MMP16: variants seen among roughly 807,000 people sequenced by gnomAD.
The protein encoded by MMP16 is matrix metalloproteinase-16.
MMP16 carries 12 observed loss-of-function variants against 67.8 expected under a neutral mutation model. The ratio of observed to expected loss-of-function variants is 0.18; its 90% CI spans 0.11 to 0.29. The LOEUF (loss-of-function observed/expected upper bound fraction) is 0.29. MMP16 is among the 10% of genes least tolerant of loss of function. MMP16 has a pLI of 1.00. For synonymous variants in MMP16, 249 were observed against 255.9 expected (o/e 0.97, Z 0.26); for missense variants, 475 against 765.7 (o/e 0.62, Z 4.48).
intron 1 of MMP16, among the ~76,000 whole-genome samples, chr8:88,280,349 T>C (rs1035821029): frequency 6.6e-6 from 1 of 152,108 alleles, no homozygotes; most frequent in East Asian, 1.9e-4. Flanking sequence ...TTATTTTCCA[T>C]GTAAGGACAT....
intron 3 of MMP16, among the ~76,000 whole-genome samples, chr8:88,178,773 T>A (rs772541849): frequency 6.6e-6 from 1 of 152,206 alleles, no homozygotes; most frequent in African/African-American, 2.4e-5. Context: ...TATAACCGCA[T>A]GTAAATTATT....
chr8:88,056,455 T>C (rs904378618), intron 7 of MMP16, among the ~76,000 whole-genome samples, 177 bp from the exon 8 acceptor site: 1 of 150,924 alleles, frequency 6.6e-6, no homozygotes, highest in Admixed American at 6.6e-5. Flanking sequence ...AATATTAATG[T>C]TATCTTTGAA....
At position 88,293,819 on chromosome 8, in the gene MMP16, C is replaced by T. The variant is rs73282680; in HGVS notation, c.132+33256G>A. 4.0e-3 allele frequency among the ~76,000 whole-genome samples: 605 copies of T among 152,226 alleles called. 5 individuals carry two copies. Among genetic ancestry groups the T allele is most frequent in the African/African-American group, 0.013 (558 of 41,556 alleles). ...ACGACAGTCAGTGTCCCATCTCAATCTCTCTTCTTTACATAAAGCTATCTT... is the reference window on the plus strand; with the variant it reads ...ACGACAGTCAGTGTCCCATCTCAATTTCTCTTCTTTACATAAAGCTATCTT... On this transcript the variant is annotated intron_variant, in intron 1 of 9. Transcript: ENST00000286614.
chr8:88,322,698 A>G (rs559117698), intron 1 of MMP16, among the ~76,000 whole-genome samples: 3 of 151,774 alleles, frequency 2.0e-5, no homozygotes, highest in African/African-American at 4.8e-5. Flanking sequence ...AAAAAGAAAA[A>G]GCTGGGTATG....
intron 1 of MMP16, among the ~76,000 whole-genome samples, chr8:88,288,289 T>G (rs1300361291): frequency 6.6e-6 from 1 of 152,244 alleles, no homozygotes; most frequent in Non-Finnish European, 1.5e-5. Context: ...ACCTCATTCT[T>G]CCAAATGCAG....
At chr8:88,323,319 C>T (rs1811488394) in intron 1 of MMP16, among the ~76,000 whole-genome samples, 1 of 152,082 alleles carries the variant, frequency 6.6e-6, no homozygotes, top group African/African-American at 2.4e-5. Context: ...GTACCCAATG[C>T]AAACTCTGAC....
rs116910257 is a variant in MMP16 at position 88,288,976 on chromosome 8, T to C, written c.132+38099A>G. Among the ~76,000 whole-genome samples the C allele has an allele frequency of 6.9e-3, 1,046 of 152,310 alleles. 8 individuals carry two copies. The highest frequency in any genetic ancestry group is 0.011 in the Non-Finnish European group (775 of 68,020). On this transcript the variant is annotated intron_variant, in intron 1 of 9. Coordinates refer to ENST00000286614, the MANE Select transcript of MMP16 (RefSeq NM_005941.5). ...CACACAAGAAACAAGATAATTTCAA[T>C]TTGTTGGTACAAAAGAGGCAAGGGC... is the stretch of plus-strand genomic sequence containing the variant.
chr8:88,124,332 T>A (rs1381021187), intron 4 of MMP16, among the ~76,000 whole-genome samples: 1 of 151,996 alleles, frequency 6.6e-6, no homozygotes, highest in Non-Finnish European at 1.5e-5. Context: ...TGTTAGTTCA[T>A]CTACTCTCTG....
At chr8:88,211,271 C>A (rs1260164657) in intron 1 of MMP16, among the ~76,000 whole-genome samples, 2 of 152,206 alleles carry the variant, frequency 1.3e-5, no homozygotes, top group African/African-American at 4.8e-5. Flanking sequence ...AAACAACAAA[C>A]AAGTGATACT....
chr8:88,320,789 G>A (rs1811447880), intron 1 of MMP16, among the ~76,000 whole-genome samples: 1 of 152,078 alleles, frequency 6.6e-6, no homozygotes, highest in Non-Finnish European at 1.5e-5. Flanking sequence ...ACTACACCAA[G>A]AGGTCACATT....
intron 1 of MMP16, among the ~76,000 whole-genome samples, chr8:88,259,004 G>A (rs373102960): frequency 2.0e-5 from 3 of 152,166 alleles, no homozygotes; most frequent in African/African-American, 7.2e-5. Flanking sequence ...AAGGAAGCAT[G>A]CCTCCTGCCT....
intron 1 of MMP16, among the ~76,000 whole-genome samples, chr8:88,205,482 G>T (rs939278): frequency 2.0e-5 from 3 of 152,112 alleles, no homozygotes; most frequent in African/African-American, 7.2e-5. Flanking sequence ...TATGTTCTGG[G>T]TATAACACTA....
rs575722908 is a variant in MMP16 at position 88,205,434 on chromosome 8, T to C, written c.133-8128A>G. 8.7e-4 allele frequency among the ~76,000 whole-genome samples: 132 copies of C among 152,298 alleles called. 1 individual carries two copies. In the Middle Eastern group the frequency reaches 0.01, roughly 12 times the overall value. ...CAGTTTTTATGCAAACAAAACACCC[T>C]GTTTTGCACCATGAAAGGGCACTGA... is the stretch of plus-strand genomic sequence containing the variant. On this transcript the variant is annotated intron_variant, in intron 1 of 9. Transcript: ENST00000286614.
intron 4 of MMP16, among the ~76,000 whole-genome samples, chr8:88,140,280 T>A (rs1808189967): frequency 6.6e-6 from 1 of 152,090 alleles, no homozygotes; most frequent in Admixed American, 6.6e-5. Flanking sequence ...AAGTCAAATA[T>A]CTTGAAGAGA....
rs1206794897 is a variant in MMP16, at chr8:88,039,305, T to G, written c.*2156A>C. 2 of 152,528 alleles carry G rather than the reference T, an allele frequency of 1.3e-5. No homozygotes were observed. Among genetic ancestry groups the G allele is most frequent in the Non-Finnish European group, 2.9e-5 (2 of 68,010 alleles). 9.4% of individuals were successfully genotyped at this position (152,528 alleles called of 1,614,324 possible). A position where few individuals can be genotyped will look rare whatever the true frequency, so the allele number is the denominator to read the frequency against. On this transcript the variant is annotated 3_prime_UTR_variant, in exon 10 of 10. Transcript: ENST00000286614. This position sits in a 1 kb window ranked among gnomAD's most constrained non-coding sequence, Gnocchi z 4.5. ...AAAATGATGAATTTAGACTTGAAAT[T>G]ATATTAAAATGAAATTAAAATTCAC...
intron 6 of MMP16, among the ~76,000 whole-genome samples, chr8:88,103,875 A>G (rs1291332140): frequency 1.3e-5 from 2 of 151,820 alleles, no homozygotes; most frequent in African/African-American, 4.8e-5. Flanking sequence ...TGATTTACAT[A>G]AGGCTATTTC....
At chr8:88,176,756 A>G (rs547096284) in intron 3 of MMP16, among the ~76,000 whole-genome samples, 1 of 152,246 alleles carries the variant, frequency 6.6e-6, no homozygotes, top group South Asian at 2.1e-4. Flanking sequence ...TCCATGATCT[A>G]TTGTCTGTAT....
intron 2 of MMP16, among the ~76,000 whole-genome samples, chr8:88,195,258 C>T (rs1304822266): frequency 5.3e-5 from 8 of 152,260 alleles, no homozygotes; most frequent in East Asian, 3.9e-4. Context: ...ACAAAACTTG[C>T]GGAAATGTAC....
chr8:88,149,417 C>T (rs1001182018), intron 4 of MMP16, among the ~76,000 whole-genome samples: 1 of 152,130 alleles, frequency 6.6e-6, no homozygotes, highest in African/African-American at 2.4e-5. Context: ...AGGGCACAGA[C>T]AAACAAAAAG....
Sources: allele counts gnomAD v4.1 joint callset (sites outside exome capture counted in the v4.1 genomes callset), GRCh38; gene constraint gnomAD v4.1.1; non-coding constraint Gnocchi (gnomAD v3.1); transcripts MANE v1.5; gene names NCBI Gene and HGNC (gene_info 2026-07-23, HGNC 2026-07-21).